BAG6: variants seen among roughly 807,000 people sequenced by gnomAD.
The protein encoded by BAG6 is BAG cochaperone 6.
BAG6 carries 22 observed loss-of-function variants against 121.0 expected under a neutral mutation model. The ratio of observed to expected loss-of-function variants is 0.18; its 90% CI spans 0.13 to 0.26. BAG6 has a LOEUF of 0.26. Ranked by LOEUF, BAG6 falls within the 10% of genes least tolerant of loss-of-function variation. BAG6 has a pLI of 1.00. For synonymous variants in BAG6, 583 were observed against 584.6 expected, an observed-to-expected ratio of 1.00 and a Z score of 0.04; for missense variants, 1,233 against 1,537.7, an observed-to-expected ratio of 0.80 and a Z score of 3.31.
chr6:31,643,956 T>G lies in BAG6; in HGVS notation c.1690A>C (p.Asn564His), dbSNP rs746268742. Residue 564 changes from asparagine (N) to histidine (H), a missense_variant, in exon 14 of 26, where the codon AAT (asparagine) becomes CAT (histidine). This residue lies in a region of BAG6 where 777 missense variants were observed against 861.4 expected (regional missense o/e 0.90). Transcript: ENST00000676615. ...GTLQGAGLGTNASLAQMVSGL... is the reference protein window; with the variant it reads ...GTLQGAGLGTHASLAQMVSGL... Reference sequence around the variant, plus strand: ...CTCACCATCTGGGCCAACGAGGCATTGGTACCCAGACCGGCGCCCTGCTGG... The same window carrying G: ...CTCACCATCTGGGCCAACGAGGCATGGGTACCCAGACCGGCGCCCTGCTGG... The G allele has an allele frequency of 3.1e-6, 5 of 1,613,988 alleles. No individual in the cohort carries two copies.
chr6:31,646,331 A>G (rs932835618), intron 8 of BAG6, 63 bp downstream of exon 8: 2 of 1,575,666 alleles, frequency 1.3e-6, no homozygotes, highest in Admixed American at 1.8e-5. Flanking sequence ...TCTGCATTTC[A>G]GCCTGTTCTG....
chr6:31,648,975 G>T lies in BAG6; in HGVS notation c.424-11C>A. 1 of 1,525,398 alleles carries T rather than the reference G, an allele frequency of 6.6e-7. No homozygotes were observed. The highest frequency in any genetic ancestry group is 1.3e-5 in the South Asian group (1 of 75,480). 94.5% of individuals were successfully genotyped at this position (1,525,398 alleles called of 1,614,324 possible). On this transcript the variant is annotated splice_polypyrimidine_tract_variant and intron_variant, in intron 4 of 25. Transcript: ENST00000676615. The stretch of plus-strand genomic sequence containing the variant: ...AGCAGAGCCGTCACTCTGGGGAAAG[G>T]GTAAGGGAAGTTGTTCTGGGAGAAG...
chr6:31,643,721 CA>C (rs9281540), intron 14 of BAG6, among the ~76,000 whole-genome samples, 168 bp downstream of exon 14: 169 of 66,260 alleles, frequency 2.6e-3, no homozygotes, highest in African/African-American at 0.016. Flanking sequence ...GACTCCATCT[CA>C]AAAAAAAAAA....
chr6:31,639,391 C>T (rs1238439967), intron 25 of BAG6, 109 bp downstream of exon 25: 1 of 1,523,564 alleles, frequency 6.6e-7, no homozygotes, highest in African/African-American at 1.4e-5. Flanking sequence ...AAGGGGAAAA[C>T]AAATGGTAGC....
At position 31,640,448 on chromosome 6, in the gene BAG6, G is replaced by A. The variant is rs1781590695; in HGVS notation, c.3075C>T (p.Gly1025=). The A allele has an allele frequency of 6.2e-7, 1 of 1,613,614 alleles. No homozygotes were observed. Among genetic ancestry groups the A allele is most frequent in the Non-Finnish European group, 8.5e-7 (1 of 1,180,042 alleles). Reference sequence around the variant, plus strand: ...AAGCTCCATCCTGTTCATCCCGGGAGCCCCCCTCAGGAGCAGGAGGTGGAC... The same window carrying A: ...AAGCTCCATCCTGTTCATCCCGGGAACCCCCCTCAGGAGCAGGAGGTGGAC... ...SRGPPPAPEG[G]SRDEQDGASA... The change falls in exon 23 of 26, where the codon GGC becomes GGT. Residue 1025 remains glycine, a synonymous_variant. Transcript: ENST00000676615. This position sits in a 1 kb window ranked among gnomAD's most constrained non-coding sequence, Gnocchi z 4.2.
In BAG6 at chr6:31,643,226, G is replaced by T. The variant is rs1027212814; in HGVS notation, c.1757-111C>A. ...GAACTGCTTGAGCCCAGGAGTCTAG[G>T]CCACATAGCAAGACCCCATCTCTAC... On this transcript the variant is annotated intron_variant, in intron 14 of 25. Coordinates refer to ENST00000676615, the MANE Select transcript of BAG6 (RefSeq NM_001387994.1). The T allele has an allele frequency of 5.4e-6, 6 of 1,106,004 alleles. No individual in the cohort carries two copies. In the African/African-American group the frequency reaches 8.0e-5, roughly 15 times the overall value. The allele number at this position is 1,106,004 out of a possible 1,614,324, so 68.5% of individuals were successfully genotyped here. A position where few individuals can be genotyped will look rare whatever the true frequency, so the allele number is the denominator to read the frequency against.
chr6:31,650,996 G>C (rs184827414), intron 2 of BAG6, among the ~76,000 whole-genome samples: 103 of 152,300 alleles, frequency 6.8e-4, no homozygotes, highest in Non-Finnish European at 1.3e-3. Flanking sequence ...ACACAGCATA[G>C]ACCTGACCAA....
At chr6:31,646,612 C>A (rs560732720) in intron 7 of BAG6, 89 bp from the exon 8 acceptor site, 2 of 1,524,400 alleles carry the variant, frequency 1.3e-6, no homozygotes, top group Admixed American at 3.8e-5. Context: ...CCCTCTTTCT[C>A]CCTGGTCTCC....
At chr6:31,652,176 C>T (rs1399536189) in intron 1 of BAG6, 2 of 183,006 alleles carry the variant, frequency 1.1e-5, no homozygotes, top group Non-Finnish European at 2.4e-5. Flanking sequence ...TGGTTTCGCG[C>T]ACGCGCGCCA....
rs570688060 is a variant in BAG6 at position 31,642,239 on chromosome 6, C to A, written c.2208G>T (p.Gln736His). ...AGCCCAGCAGGGAGCTGAGCACACC[C>A]TGCACCACTGAGGTAAAAAACTCCG... ...LSPEFFTSVVQGVLSSLLGSL... is the reference protein window; with the variant it reads ...LSPEFFTSVVHGVLSSLLGSL... The change falls in exon 16 of 26, where the codon CAG becomes CAT. Residue 736 changes from glutamine to histidine, a missense_variant. Physicochemically the swap from Gln to His is conservative, Grantham distance 24 (BLOSUM62 0). Transcript: ENST00000676615. The A allele has an allele frequency of 5.1e-5, 83 of 1,612,656 alleles. No individual in the cohort carries two copies. The East Asian group carries it at 1.8e-3, about 36-fold the overall frequency.
At chr6:31,652,069 A>AGT (rs1413107527) in intron 1 of BAG6, 1 of 322,316 alleles carries the variant, frequency 3.1e-6, no homozygotes, top group Non-Finnish European at 6.0e-6. Context: ...ACCAGAGACT[A>AGT]GTGTCATCAC....
rs1409778979 is a variant in BAG6, at chr6:31,639,355, G to A, written c.3394-129C>T. On this transcript the variant is annotated intron_variant, in intron 25 of 25. Transcript: ENST00000676615. Reference sequence around the variant, plus strand: ...GCACACTGTCAAATAGCCCGGGGTGGCACTGTCAAGCCTTCCCAGATGCCA... The same window carrying A: ...GCACACTGTCAAATAGCCCGGGGTGACACTGTCAAGCCTTCCCAGATGCCA... 8 of 1,444,946 alleles carry A rather than the reference G, an allele frequency of 5.5e-6. No homozygotes were observed. The Admixed American group carries it at 1.5e-4, about 27-fold the overall frequency. 89.5% of individuals were successfully genotyped at this position (1,444,946 alleles called of 1,614,324 possible). A position where few individuals can be genotyped will look rare whatever the true frequency, so the allele number is the denominator to read the frequency against.
chr6:31,642,519 T>G, intron 15 of BAG6, 116 bp from the exon 16 acceptor site: 1 of 644,870 alleles, frequency 1.6e-6, no homozygotes, highest in Non-Finnish European at 2.7e-6. Flanking sequence ...GGGAGTTACA[T>G]TCTGATCTTC....
At chr6:31,650,045 G>C (rs915112407) in intron 2 of BAG6, among the ~76,000 whole-genome samples, 1 of 152,088 alleles carries the variant, frequency 6.6e-6, no homozygotes, top group African/African-American at 2.4e-5. Context: ...AGGTTGCAGT[G>C]AGCCGAGATC....
In BAG6 at chr6:31,644,856, C is replaced by G; in HGVS notation, c.1369+90G>C. The G allele has an allele frequency of 6.6e-7, 1 of 1,524,294 alleles. No homozygotes were observed. The highest frequency in any genetic ancestry group is 1.3e-5 in the South Asian group (1 of 78,246). 94.4% of individuals were successfully genotyped at this position (1,524,294 alleles called of 1,614,324 possible). A position where few individuals can be genotyped will look rare whatever the true frequency, so the allele number is the denominator to read the frequency against. ...CCAGGCTACCACCACCAGCATGTGC[C>G]TCTCCCTTCCCCACCCTGTTCCCTC... On this transcript the variant is annotated intron_variant, in intron 10 of 25. Transcript: ENST00000676615. The surrounding 1 kb of genome is among the most constrained non-coding windows in gnomAD (Gnocchi z 4.9).
intron 25 of BAG6, 24 bp downstream of exon 25, chr6:31,639,476 C>T (rs1230174125): frequency 1.2e-6 from 2 of 1,609,698 alleles, no homozygotes; most frequent in Non-Finnish European, 1.7e-6. Context: ...ACTAGACCAT[C>T]CCTATTCTGC....
chr6:31,644,651 C>T lies in BAG6; in HGVS notation c.1370-49G>A, dbSNP rs746139786. On this transcript the variant is annotated intron_variant, in intron 10 of 25. Coordinates refer to ENST00000676615, the MANE Select transcript of BAG6 (RefSeq NM_001387994.1). This position sits in a 1 kb window ranked among gnomAD's most constrained non-coding sequence, Gnocchi z 4.9. The stretch of plus-strand genomic sequence containing the variant: ...GGCCCTGAGGTAGGTAGGGCCAAGG[C>T]CTAACTATATCCTTCTGAGATCAGG... 781 of 1,561,624 alleles carry T rather than the reference C, an allele frequency of 5.0e-4. 5 individuals are homozygous for T. Among genetic ancestry groups the T allele is most frequent in the South Asian group, 2.0e-3 (177 of 89,122 alleles).
At chr6:31,639,265 C>T (rs370801290) in intron 25 of BAG6, 39 bp from the exon 26 acceptor site, 819 of 1,577,288 alleles carry the variant, frequency 5.2e-4, no homozygotes, top group Non-Finnish European at 6.8e-4. Flanking sequence ...AAACGCTGGC[C>T]AAGTCCCCAT....
Position 31,645,123 on chromosome 6 carries a change from G to T in BAG6, c.1192C>A (p.Pro398Thr). 3.7e-6 allele frequency: 6 copies of T among 1,613,068 alleles called. No individual in the cohort carries two copies. Among genetic ancestry groups the T allele is most frequent in the Non-Finnish European group, 5.1e-6 (6 of 1,180,026 alleles). Residue 398 changes from proline (P) to threonine (T), a missense_variant, in exon 10 of 26, where the codon CCC becomes ACC. Coordinates refer to ENST00000676615, the MANE Select transcript of BAG6 (RefSeq NM_001387994.1). ...PPPTPNAEAP[P>T]PGPGQASSVA... is the part of the protein sequence containing the mutation. The stretch of plus-strand genomic sequence containing the variant: ...GATGAGGCCTGCCCAGGACCAGGGG[G>T]AGGTGCCTCTGCATTGGGAGTTGGG...
Sources: gnomAD v4.1 joint callset for allele counts (sites outside exome capture counted in the v4.1 genomes callset) on GRCh38, gnomAD v4.1.1 for gene constraint, gnomAD v4.1.1 regional missense constraint, Gnocchi (gnomAD v3.1) non-coding constraint, MANE v1.5 for transcripts, NCBI Gene and HGNC (gene_info 2026-07-23, HGNC 2026-07-21) for gene names.